CADPS: variants seen among roughly 807,000 people sequenced by gnomAD.
The protein encoded by CADPS is calcium dependent secretion activator, also known as calcium-dependent secretion activator 1.
In CADPS, 57 loss-of-function variants were observed where a neutral mutation model predicts 167.3. The observed-to-expected ratio is 0.34, with a 90% confidence interval of 0.28 to 0.42. The LOEUF is 0.42. Among genes scored for constraint, CADPS ranks in the 20% least tolerant of loss-of-function variants. The pLI, the probability that CADPS is intolerant of heterozygous loss-of-function variation, is 1.00. For synonymous variants in CADPS, 676 were observed against 635.3 expected (o/e 1.06, Z -0.96); for missense variants, 1,414 against 1,738.1 (o/e 0.81, Z 3.32).
Position 62,516,654 on chromosome 3 carries a change from C to CA in CADPS, c.2394-12dup. The stretch of plus-strand genomic sequence containing the variant: ...AATGGAAAGCAATACCTAAAAAAGA[C>CA]AAAATTCTTCAGGTTGCCTAAATTA... On this transcript the variant is annotated splice_polypyrimidine_tract_variant and intron_variant, in intron 14 of 29. Transcript: ENST00000383710. 6.3e-7 allele frequency: 1 copy of CA among 1,590,904 alleles called. No individual in the cohort carries two copies. Among genetic ancestry groups the CA allele is most frequent in the Non-Finnish European group, 8.6e-7 (1 of 1,165,408 alleles).
At chr3:62,754,726 T>A (rs917569417) in intron 2 of CADPS, among the ~76,000 whole-genome samples, 2 of 152,132 alleles carry the variant, frequency 1.3e-5, no homozygotes, top group East Asian at 1.9e-4. Context: ...AAAATGAGGA[T>A]TAAATGTGTT....
intron 1 of CADPS, among the ~76,000 whole-genome samples, chr3:62,831,120 GT>G (rs1454187948): frequency 6.6e-6 from 1 of 152,142 alleles, no homozygotes; most frequent in African/African-American, 2.4e-5. Flanking sequence ...GTCCTGGGAA[GT>G]CTTAAAACAG....
At chr3:62,416,869 CTT>C (rs34433413) in intron 28 of CADPS, among the ~76,000 whole-genome samples, 29 of 147,850 alleles carry the variant, frequency 2.0e-4, no homozygotes, top group Middle Eastern at 3.6e-3. Context: ...CATTAATATA[CTT>C]TTTTTTTTTT....
At chr3:62,597,971 T>C (rs2059160353) in intron 6 of CADPS, among the ~76,000 whole-genome samples, 1 of 152,090 alleles carries the variant, frequency 6.6e-6, no homozygotes, top group South Asian at 2.1e-4. Context: ...CAGATCTCCT[T>C]GTTAAAAAAA....
chr3:62,525,100 C>T (rs937586786), intron 13 of CADPS, among the ~76,000 whole-genome samples: 1 of 152,000 alleles, frequency 6.6e-6, no homozygotes, highest in Non-Finnish European at 1.5e-5. Context: ...GATAAAGACA[C>T]ATTGTTGGAA....
chr3:62,642,125 A>G (rs962743720), intron 6 of CADPS, among the ~76,000 whole-genome samples: 3 of 145,050 alleles, frequency 2.1e-5, no homozygotes, highest in African/African-American at 7.5e-5. Context: ...AAAAAAAAAG[A>G]CAACAGCCAA....
At chr3:62,833,818 T>C (rs1242163523) in intron 1 of CADPS, among the ~76,000 whole-genome samples, 1 of 152,162 alleles carries the variant, frequency 6.6e-6, no homozygotes, top group South Asian at 2.1e-4. Flanking sequence ...GCTGGGGTTC[T>C]GTACAAGATT....
intron 3 of CADPS, among the ~76,000 whole-genome samples, chr3:62,677,240 C>G (rs895153560): frequency 6.6e-6 from 1 of 152,002 alleles, no homozygotes; most frequent in Non-Finnish European, 1.5e-5. Flanking sequence ...CAAGTCTCCC[C>G]CAACCAGTCT....
chr3:62,837,388 C>A (rs375083592), intron 1 of CADPS, among the ~76,000 whole-genome samples: 1 of 152,152 alleles, frequency 6.6e-6, no homozygotes, highest in Non-Finnish European at 1.5e-5. Context: ...CCTCACAGGA[C>A]GGGTTAAGTT....
intron 6 of CADPS, among the ~76,000 whole-genome samples, chr3:62,603,857 C>T (rs2060313513): frequency 2.0e-5 from 3 of 151,798 alleles, no homozygotes; most frequent in African/African-American, 4.8e-5. Context: ...GACAGAGTCT[C>T]GCTCTGTCAC....
intron 4 of CADPS, among the ~76,000 whole-genome samples, chr3:62,654,668 C>T: frequency 6.6e-6 from 1 of 152,086 alleles, no homozygotes; most frequent in East Asian, 1.9e-4. Flanking sequence ...TGTCACGGAA[C>T]AAAGGTTACA....
intron 4 of CADPS, among the ~76,000 whole-genome samples, chr3:62,659,790 C>T (rs181399901): frequency 6.6e-6 from 1 of 152,260 alleles, no homozygotes; most frequent in Admixed American, 6.5e-5. Context: ...ACTCCAGGAC[C>T]AGTTAGCTAT....
At chr3:62,591,078 G>A (rs1215110117) in intron 7 of CADPS, among the ~76,000 whole-genome samples, 6 of 151,988 alleles carry the variant, frequency 3.9e-5, no homozygotes, top group Non-Finnish European at 7.4e-5. Context: ...GGCTGGTCTC[G>A]AACTCCTGAC....
At chr3:62,536,236 T>C in intron 12 of CADPS, 1 of 443,024 alleles carries the variant, frequency 2.3e-6, no homozygotes, top group Non-Finnish European at 4.0e-6. Flanking sequence ...GGCTGGGGAA[T>C]TGGATCTGTT....
intron 5 of CADPS, among the ~76,000 whole-genome samples, chr3:62,648,483 A>G (rs2069110462): frequency 6.6e-6 from 1 of 151,916 alleles, no homozygotes; most frequent in African/African-American, 2.4e-5. Flanking sequence ...GGAGTTGAAG[A>G]CCAGCCTGAA....
At chr3:62,539,538 AAGG>A (rs1308600615) in intron 11 of CADPS, among the ~76,000 whole-genome samples, 2 of 151,632 alleles carry the variant, frequency 1.3e-5, no homozygotes, top group African/African-American at 2.4e-5. Flanking sequence ...AAAAAAAAAG[AAGG>A]AGGAGTAAGC....
intron 3 of CADPS, among the ~76,000 whole-genome samples, chr3:62,666,261 G>A (rs1398854680): frequency 1.3e-5 from 2 of 152,162 alleles, no homozygotes; most frequent in Admixed American, 1.3e-4. Flanking sequence ...CTGAAGAGAG[G>A]ATGAAAAGGG....
chr3:62,579,787 C>T (rs56973152), intron 8 of CADPS, among the ~76,000 whole-genome samples: 2,249 of 150,188 alleles, frequency 0.015, 36 homozygotes, highest in African/African-American at 0.053. Flanking sequence ...TTCCTGCATT[C>T]GAGTGGCAGG....
rs192927278 is a variant in CADPS, at chr3:62,751,080, G to A, written c.888+2361C>T. On this transcript the variant is annotated intron_variant, in intron 3 of 29. Coordinates refer to ENST00000383710, the MANE Select transcript of CADPS (RefSeq NM_003716.4). ...GAAGGTTTTCTGCTGCAAACTAACAGATTGCAGAAAGGCTACACTAAGAAT... is the reference window on the plus strand; with the variant it reads ...GAAGGTTTTCTGCTGCAAACTAACAAATTGCAGAAAGGCTACACTAAGAAT... Among the ~76,000 whole-genome samples, 1,347 of 152,220 alleles carry A rather than the reference G, an allele frequency of 8.8e-3. 9 individuals carry two copies. Among genetic ancestry groups the A allele is most frequent in the Non-Finnish European group, 0.014 (971 of 68,008 alleles).
Sources: allele counts gnomAD v4.1 joint callset (sites outside exome capture counted in the v4.1 genomes callset), GRCh38; gene constraint gnomAD v4.1.1; transcripts MANE v1.5; gene names NCBI Gene and HGNC (gene_info 2026-07-23, HGNC 2026-07-21).